Variants in SLC12A9 observed in about 807,000 individuals in gnomAD.
SLC12A9 encodes CCC-interacting protein 1.
A neutral mutation model predicts 66.0 loss-of-function variants in SLC12A9; 55 were observed. That is an observed-to-expected ratio of 0.83 (90% CI 0.67 to 1.04). SLC12A9 has a LOEUF of 1.04. SLC12A9 is among the 50% of genes least tolerant of loss of function. SLC12A9 has a pLI of 0.00. For synonymous variants in SLC12A9, 577 were observed against 569.0 expected (o/e 1.01, Z -0.20); for missense variants, 1,061 against 1,241.9 (o/e 0.85, Z 2.19).
chr7:100,850,501 A>G (rs1421931751), upstream of SLC12A9, among the ~76,000 whole-genome samples: 17 of 150,862 alleles, frequency 1.1e-4, no homozygotes, highest in Admixed American at 1.1e-3. Flanking sequence ...CAGCCTCCCA[A>G]AGTACTGGGA....
chr7:100,839,323 CAA>C (rs112380979), intron 1 of SLC12A9, among the ~76,000 whole-genome samples: 1 of 139,972 alleles, frequency 7.1e-6, no homozygotes. Context: ...GACTCCGTCT[CAA>C]AAAAAAAAAA....
At position 100,859,098 on chromosome 7, in the gene SLC12A9, C is replaced by G; in HGVS notation, c.914C>G (p.Ala305Gly). 6.2e-7 allele frequency: 1 copy of G among 1,614,064 alleles called. No individual in the cohort carries two copies. The change falls in exon 7 of 14, where the codon GCC (alanine) becomes GGC (glycine). Residue 305 changes from alanine to glycine, a missense_variant. Physicochemically the swap from Ala to Gly is moderately conservative, Grantham distance 60. Coordinates refer to ENST00000354161, the MANE Select transcript of SLC12A9 (RefSeq NM_020246.4). Reference protein sequence around the residue: ...SRAIPLGTIVAVAYTFFVYVL... With the variant: ...SRAIPLGTIVGVAYTFFVYVL... Reference sequence around the variant, plus strand: ...GCGATCCCTCTGGGCACGATCGTCGCCGTCGCCTACACCTTCTTCGTCTAT... The same window carrying G: ...GCGATCCCTCTGGGCACGATCGTCGGCGTCGCCTACACCTTCTTCGTCTAT...
At chr7:100,847,729 G>A (rs1813949406), upstream of SLC12A9, among the ~76,000 whole-genome samples, 1 of 152,036 alleles carries the variant, frequency 6.6e-6, no homozygotes, top group Admixed American at 6.6e-5. Context: ...AGCAGGTGGT[G>A]GGAGTTTGAG....
chr7:100,843,726 A>C (rs2116534483), intron 1 of SLC12A9, among the ~76,000 whole-genome samples: 1 of 152,336 alleles, frequency 6.6e-6, no homozygotes, highest in African/African-American at 2.4e-5. Flanking sequence ...ATGACTACCA[A>C]AGGACCTCAT....
upstream of SLC12A9, among the ~76,000 whole-genome samples, chr7:100,852,348 G>A (rs960990582): frequency 1.1e-4 from 16 of 152,312 alleles, no homozygotes; most frequent in African/African-American, 3.8e-4. Flanking sequence ...GTCCCTGAAC[G>A]AAGTGGGCCG....
intron 1 of SLC12A9, among the ~76,000 whole-genome samples, chr7:100,846,738 G>A (rs1221127361): frequency 6.6e-6 from 1 of 152,080 alleles, no homozygotes; most frequent in Non-Finnish European, 1.5e-5. Context: ...GGAAGAGACC[G>A]CCCCTCATAT....
chr7:100,865,182 T>C (rs1814994123), intron 13 of SLC12A9: 6 of 1,359,746 alleles, frequency 4.4e-6, no homozygotes, highest in Non-Finnish European at 6.1e-6. Context: ...GGTCTCAAAC[T>C]CCTGATCTCA....
intron 1 of SLC12A9, chr7:100,827,099 C>G (rs1284168428): frequency 6.6e-7 from 1 of 1,505,062 alleles, no homozygotes; most frequent in Non-Finnish European, 9.0e-7. Flanking sequence ...GTCTGACTCT[C>G]CCTGGGCGGG....
rs1408050132 is a variant in SLC12A9, at chr7:100,857,437, A to C, written c.757+261A>C. On this transcript the variant is annotated intron_variant, in intron 5 of 13. Coordinates refer to ENST00000354161, the MANE Select transcript of SLC12A9 (RefSeq NM_020246.4). ...GAGACATGCATTCAGGAATCAGTTA[A>C]ATAGCACAGAATGGCCCAGCATGAC... is the stretch of plus-strand genomic sequence containing the variant. 5 of 532,208 alleles carry C rather than the reference A, an allele frequency of 9.4e-6. No individual in the cohort carries two copies. The East Asian group carries it at 1.5e-4, about 16-fold the overall frequency. The allele number at this position is 532,208 out of a possible 1,614,324, so 33.0% of individuals were successfully genotyped here.
chr7:100,862,039 A>C, intron 12 of SLC12A9, 128 bp downstream of exon 12: 4 of 938,466 alleles, frequency 4.3e-6, no homozygotes, highest in Non-Finnish European at 1.6e-6. Context: ...GGCTCACTGC[A>C]ACCTCCACCT....
chr7:100,860,970 G>T (rs1814712243), intron 9 of SLC12A9, 168 bp from the exon 10 acceptor site: 1 of 1,169,824 alleles, frequency 8.5e-7, no homozygotes, highest in Non-Finnish European at 1.2e-6. Context: ...ATAGCATTTT[G>T]GGGGTTCATT....
intron 1 of SLC12A9, among the ~76,000 whole-genome samples, chr7:100,832,151 G>A (rs901834629): frequency 2.0e-5 from 3 of 152,118 alleles, no homozygotes; most frequent in African/African-American, 7.2e-5. Context: ...AGTGAGCCGA[G>A]ATCGCGCCAC....
At chr7:100,847,169 C>T (rs931036936) in intron 1 of SLC12A9, among the ~76,000 whole-genome samples, 7 of 152,166 alleles carry the variant, frequency 4.6e-5, no homozygotes, top group East Asian at 3.9e-4. Flanking sequence ...GTTTTGTCTG[C>T]GGCTCGTCCT....
At chr7:100,830,909 T>C (rs1430060367) in intron 1 of SLC12A9, among the ~76,000 whole-genome samples, 1 of 152,080 alleles carries the variant, frequency 6.6e-6, no homozygotes, top group Non-Finnish European at 1.5e-5. Context: ...CCAGAACCAC[T>C]TCCCAGGCAA....
intron 1 of SLC12A9, among the ~76,000 whole-genome samples, chr7:100,838,653 ATT>A (rs1813717027): frequency 6.6e-6 from 1 of 152,112 alleles, no homozygotes; most frequent in African/African-American, 2.4e-5. Context: ...AGTACCTAGG[ATT>A]ACAGGTGTGT....
Position 100,866,093 on chromosome 7 carries a change from G to A in SLC12A9, c.2233G>A (p.Gly745Ser), listed in dbSNP as rs775705496. Residue 745 changes from glycine to serine, a missense_variant, in exon 14 of 14, where the codon GGC becomes AGC. Gly to Ser is a moderately conservative substitution (Grantham distance 56). Coordinates refer to ENST00000354161, the MANE Select transcript of SLC12A9 (RefSeq NM_020246.4). This position sits in a 1 kb window ranked among gnomAD's most constrained non-coding sequence, Gnocchi z 7.3. ...TGGGCCCGGCTATGTGGATGTCTGCGGCCTCTTCCTGCTGCAGATGGCAAC... is the reference window on the plus strand; with the variant it reads ...TGGGCCCGGCTATGTGGATGTCTGCAGCCTCTTCCTGCTGCAGATGGCAAC... ...RGGPGYVDVC[G>S]LFLLQMATIL... The A allele has an allele frequency of 1.1e-5, 18 of 1,613,018 alleles. No homozygotes were observed. Among genetic ancestry groups the A allele is most frequent in the East Asian group, 4.5e-5 (2 of 44,866 alleles).
Position 100,858,949 on chromosome 7 carries a change from G to A in SLC12A9, c.865+7G>A, listed in dbSNP as rs368745408. The A allele has an allele frequency of 2.5e-6, 4 of 1,613,982 alleles. No individual in the cohort carries two copies. Among genetic ancestry groups the A allele is most frequent in the Non-Finnish European group, 3.4e-6 (4 of 1,179,960 alleles). On this transcript the variant is annotated splice_region_variant and intron_variant, in intron 6 of 13. Coordinates refer to ENST00000354161, the MANE Select transcript of SLC12A9 (RefSeq NM_020246.4). ...GCTGGGGCCAACATGTCAGGTGAGA[G>A]TCCCTGCCTGCTGCCTCCTGGGGGT...
intron 2 of SLC12A9, 88 bp downstream of exon 2, chr7:100,854,466 G>A (rs1412588812): frequency 5.0e-6 from 8 of 1,593,002 alleles, no homozygotes; most frequent in Non-Finnish European, 6.8e-6. Context: ...GATAAGATTA[G>A]GAAGGGGACC....
intron 1 of SLC12A9, among the ~76,000 whole-genome samples, chr7:100,840,402 A>G (rs1813760063): frequency 1.3e-5 from 2 of 152,222 alleles, no homozygotes; most frequent in African/African-American, 4.8e-5. Context: ...AAGCCTGGAC[A>G]GGTCCCTTGT....
Sources: allele counts gnomAD v4.1 joint callset (sites outside exome capture counted in the v4.1 genomes callset), GRCh38; gene constraint gnomAD v4.1.1; non-coding constraint Gnocchi (gnomAD v3.1); transcripts MANE v1.5; gene names NCBI Gene and HGNC (gene_info 2026-07-23, HGNC 2026-07-21).